PCSK5: variants seen among roughly 807,000 people sequenced by gnomAD.
PCSK5 encodes the protein prohormone convertase 5.
In PCSK5, 129 loss-of-function variants were observed where a neutral mutation model predicts 233.2. That is an observed-to-expected ratio of 0.55 (90% confidence interval 0.48 to 0.64). The LOEUF (loss-of-function observed/expected upper bound fraction) is 0.64. Among genes scored for constraint, PCSK5 ranks in the 30% least tolerant of loss-of-function variants. The probability of loss-of-function intolerance (pLI) is 0.00; values close to 1 mark genes in which losing one functional copy is unlikely to be tolerated. For missense variants in PCSK5, 2,076 were observed against 2,430.1 expected, an observed-to-expected ratio of 0.85 and a Z score of 3.06; for synonymous variants, 825 against 879.2, an observed-to-expected ratio of 0.94 and a Z score of 1.09.
chr9:76,174,825 C>T (rs922429789), intron 13 of PCSK5, among the ~76,000 whole-genome samples, 161 bp from the exon 14 acceptor site: 7 of 152,268 alleles, frequency 4.6e-5, no homozygotes, highest in East Asian at 1.9e-4. Context: ...CTGCAGATGA[C>T]GAGAAATACG....
At chr9:76,181,663 A>G (rs1263616391) in intron 16 of PCSK5, 72 bp downstream of exon 16, 14 of 992,268 alleles carry the variant, frequency 1.4e-5, no homozygotes, top group Non-Finnish European at 2.1e-5. Flanking sequence ...CTCAGGAGGG[A>G]TAGCCTCTTT....
At chr9:76,317,719 A>G (rs1829071351) in intron 30 of PCSK5, among the ~76,000 whole-genome samples, 1 of 152,200 alleles carries the variant, frequency 6.6e-6, no homozygotes, top group Admixed American at 6.5e-5. Context: ...TTGGCCAATG[A>G]CATGTTAGCA....
chr9:76,165,655 C>T (rs968945003), intron 12 of PCSK5, among the ~76,000 whole-genome samples: 13 of 152,280 alleles, frequency 8.5e-5, no homozygotes, highest in African/African-American at 1.9e-4. Flanking sequence ...ATCATTTCAT[C>T]GAGCACGTGA....
intron 2 of PCSK5, among the ~76,000 whole-genome samples, chr9:75,974,662 A>C (rs887796600): frequency 6.6e-6 from 1 of 152,166 alleles, no homozygotes; most frequent in Non-Finnish European, 1.5e-5. Flanking sequence ...GGAAAAAGGA[A>C]AATATAATGA....
rs554945803 is a variant in PCSK5, at chr9:76,288,987, G to A, written c.3143-3246G>A. ...AGAATGTAAATTGGCTGCTGAAGGC[G>A]ATGTTGAAGCAGGAGGCAATGTCTC... is the stretch of plus-strand genomic sequence containing the variant. On this transcript the variant is annotated intron_variant, in intron 24 of 37. Coordinates refer to ENST00000674117, the MANE Select transcript of PCSK5 (RefSeq NM_001372043.1). Among the ~76,000 whole-genome samples, 7 of 152,202 alleles carry A rather than the reference G, an allele frequency of 4.6e-5. No homozygotes were observed. In the South Asian group the frequency reaches 8.3e-4, roughly 18 times the overall value.
At chr9:76,185,280 A>G (rs1421176953) in intron 17 of PCSK5, among the ~76,000 whole-genome samples, 1 of 152,204 alleles carries the variant, frequency 6.6e-6, no homozygotes, top group Non-Finnish European at 1.5e-5. Flanking sequence ...TGACTTGCTC[A>G]TTGCTAAAGC....
chr9:75,897,490 T>TTTTC (rs35453275), intron 1 of PCSK5, among the ~76,000 whole-genome samples: 1 of 14,856 alleles, frequency 6.7e-5, no homozygotes, highest in African/African-American at 5.4e-4. Flanking sequence ...CTTTCTTTTC[T>TTTTC]TTTTTTTTTT....
intron 1 of PCSK5, among the ~76,000 whole-genome samples, chr9:75,903,381 A>G (rs899101565): frequency 1.3e-5 from 2 of 151,764 alleles, no homozygotes; most frequent in African/African-American, 4.8e-5. Context: ...TTAATTTTCT[A>G]TACATTATCT....
At chr9:76,124,590 A>C (rs1455606549) in intron 9 of PCSK5, among the ~76,000 whole-genome samples, 1 of 151,644 alleles carries the variant, frequency 6.6e-6, no homozygotes, top group East Asian at 1.9e-4. Flanking sequence ...ACTAAAATAC[A>C]AAAAATTATC....
chr9:76,189,673 G>T lies in PCSK5; in HGVS notation c.2553G>T (p.Lys851Asn), dbSNP rs146451859. Residue 851 changes from lysine to asparagine, a missense_variant, in exon 20 of 38, where the codon AAG becomes AAT. Coordinates refer to ENST00000674117, the MANE Select transcript of PCSK5 (RefSeq NM_001372043.1). Reference sequence around the variant, plus strand: ...TGACGTGCAATGGCCCAGGATTCAAGAACTGTACAAGCTGCCCTAGTGGGT... The same window carrying T: ...TGACGTGCAATGGCCCAGGATTCAATAACTGTACAAGCTGCCCTAGTGGGT... ...SCLTCNGPGFKNCTSCPSGYL... is the reference protein window; with the variant it reads ...SCLTCNGPGFNNCTSCPSGYL... 5.0e-6 allele frequency: 8 copies of T among 1,613,314 alleles called. No homozygotes were observed. Among genetic ancestry groups the T allele is most frequent in the Non-Finnish European group, 6.8e-6 (8 of 1,179,320 alleles).
chr9:76,218,827 T>C (rs980063689), intron 20 of PCSK5, among the ~76,000 whole-genome samples: 9 of 152,246 alleles, frequency 5.9e-5, no homozygotes, highest in African/African-American at 2.2e-4. Flanking sequence ...CTTCTTACGA[T>C]GCTGACCCGC....
chr9:76,262,245 A>G lies in PCSK5; in HGVS notation c.3142+21561A>G, dbSNP rs1377226290. On this transcript the variant is annotated intron_variant, in intron 24 of 37. Transcript: ENST00000674117. ...CAATGCCATCCCCATCAAGCTACCA[A>G]TGACTTTCTTCACAGAATTGGAAAA... Among the ~76,000 whole-genome samples, 6 of 152,280 alleles carry G rather than the reference A, an allele frequency of 3.9e-5. No homozygotes were observed. The South Asian group carries it at 1.0e-3, about 26-fold the overall frequency.
At chr9:76,344,199 T>C (rs1829913984) in intron 35 of PCSK5, among the ~76,000 whole-genome samples, 1 of 152,154 alleles carries the variant, frequency 6.6e-6, no homozygotes, top group Non-Finnish European at 1.5e-5. Context: ...TGGTTTCAAA[T>C]GATATTTTAG....
intron 20 of PCSK5, chr9:76,193,675 T>C (rs1272250998): frequency 4.8e-6 from 1 of 206,578 alleles, no homozygotes; most frequent in East Asian, 1.1e-4. Flanking sequence ...AATGATTTGA[T>C]TTCCTGCCCT....
chr9:76,181,668 C>A, intron 16 of PCSK5, 77 bp downstream of exon 16: 1 of 938,776 alleles, frequency 1.1e-6, no homozygotes, highest in Non-Finnish European at 1.6e-6. Flanking sequence ...GAGGGATAGC[C>A]TCTTTGTGAA....
chr9:76,005,599 G>A (rs1827443943), intron 3 of PCSK5, among the ~76,000 whole-genome samples: 1 of 152,092 alleles, frequency 6.6e-6, no homozygotes. Context: ...GTGCAGGTAG[G>A]TTGTTTCCAT....
intron 13 of PCSK5, among the ~76,000 whole-genome samples, chr9:76,173,594 C>T (rs1823437912): frequency 7.6e-6 from 1 of 131,030 alleles, no homozygotes; most frequent in Non-Finnish European, 1.6e-5. Context: ...AAGAACTAAA[C>T]TAAAGCAAAA....
At chr9:76,067,013 C>A (rs903159173) in intron 5 of PCSK5, among the ~76,000 whole-genome samples, 1 of 152,336 alleles carries the variant, frequency 6.6e-6, no homozygotes, top group South Asian at 2.1e-4. Context: ...CATCCCCCTT[C>A]TGCAGGCATG....
In PCSK5 at chr9:76,097,022, C is replaced by A. The variant is rs12348184; in HGVS notation, c.1107+920C>A. Among the ~76,000 whole-genome samples, 625 of 151,628 alleles carry A rather than the reference C, an allele frequency of 4.1e-3. 6 individuals carry two copies. The highest frequency in any genetic ancestry group is 0.015 in the African/African-American group (603 of 41,334). ...TCTCGGCTCACTGCAACCTCTGCCC[C>A]CCGGGTTCAAGTGATTCTCCTGCCT... On this transcript the variant is annotated intron_variant, in intron 8 of 37. Transcript: ENST00000674117.
Sources: allele counts gnomAD v4.1 joint callset (sites outside exome capture counted in the v4.1 genomes callset), GRCh38; gene constraint gnomAD v4.1.1; transcripts MANE v1.5; gene names NCBI Gene and HGNC (gene_info 2026-07-23, HGNC 2026-07-21).